Variants in TRPM3 observed in about 807,000 individuals in gnomAD.
TRPM3 encodes the protein transient receptor potential cation channel subfamily M member 3.
Under a neutral mutation model 181.2 loss-of-function variants are expected in TRPM3, and 77 were observed. The observed-to-expected ratio is 0.42, with a 90% CI of 0.35 to 0.51. TRPM3 has a LOEUF of 0.51. TRPM3 is among the 20% of genes least tolerant of loss of function. The pLI, the probability that TRPM3 is intolerant of heterozygous loss-of-function variation, is 0.01. For missense variants in TRPM3, 1,759 were observed against 2,196.7 expected (o/e 0.80, Z 3.98); for synonymous variants, 745 against 796.4 (o/e 0.94, Z 1.09).
intron 1 of TRPM3, among the ~76,000 whole-genome samples, chr9:71,166,856 A>G (rs2076565224): frequency 6.6e-6 from 1 of 152,230 alleles, no homozygotes; most frequent in South Asian, 2.1e-4. Context: ...AAAGTATAAT[A>G]ATGGGATGCA....
intron 1 of TRPM3, among the ~76,000 whole-genome samples, chr9:71,274,485 A>T (rs1160715106): frequency 6.6e-6 from 1 of 152,204 alleles, no homozygotes; most frequent in East Asian, 1.9e-4. Context: ...CAGACAGTTA[A>T]GGGGCCCTAC....
At position 70,621,238 on chromosome 9, in the gene TRPM3, A is replaced by G; in HGVS notation, c.1839+6T>C. 1 of 1,594,456 alleles carries G rather than the reference A, an allele frequency of 6.3e-7. No individual in the cohort carries two copies. The highest frequency in any genetic ancestry group is 8.5e-7 in the Non-Finnish European group (1 of 1,170,324). On this transcript the variant is annotated splice_donor_region_variant and intron_variant, in intron 15 of 25. Transcript: ENST00000677713. Reference sequence around the variant, plus strand: ...ATTGACACTAATAATTTGGACAAACACTTACCTCCATTCCCAGCAGTTTCA... The same window carrying G: ...ATTGACACTAATAATTTGGACAAACGCTTACCTCCATTCCCAGCAGTTTCA...
chr9:71,008,140 C>G (rs1305835308), intron 1 of TRPM3, among the ~76,000 whole-genome samples: 2 of 151,826 alleles, frequency 1.3e-5, no homozygotes, highest in Non-Finnish European at 2.9e-5. Context: ...TTATGAAGAG[C>G]TATACACCAA....
At chr9:71,258,320 G>A (rs1006360207) in intron 1 of TRPM3, among the ~76,000 whole-genome samples, 1 of 152,142 alleles carries the variant, frequency 6.6e-6, no homozygotes, top group African/African-American at 2.4e-5. Flanking sequence ...AGGTAGCCTG[G>A]CTCCAGCATC....
intron 8 of TRPM3, among the ~76,000 whole-genome samples, chr9:70,693,716 G>T (rs1244724388): frequency 6.6e-6 from 1 of 152,168 alleles, no homozygotes; most frequent in African/African-American, 2.4e-5. Flanking sequence ...ACACGTTCCA[G>T]TTGGTAGACC....
At chr9:71,367,920 T>C (rs988443510) in intron 1 of TRPM3, among the ~76,000 whole-genome samples, 4 of 151,164 alleles carry the variant, frequency 2.6e-5, no homozygotes, top group Non-Finnish European at 5.9e-5. Context: ...TTCAACTTGC[T>C]GTCTTAGTAT....
chr9:70,761,426 A>G, intron 8 of TRPM3, 175 bp downstream of exon 8: 1 of 810,116 alleles, frequency 1.2e-6, no homozygotes, highest in Non-Finnish European at 2.1e-6. Context: ...CGAAGGCAGT[A>G]AAAGCAGTGT....
At chr9:71,043,089 T>C (rs1218911931) in intron 1 of TRPM3, among the ~76,000 whole-genome samples, 2 of 152,248 alleles carry the variant, frequency 1.3e-5, no homozygotes, top group Non-Finnish European at 2.9e-5. Context: ...GAAATTTCTG[T>C]ATCTTTGCAA....
chr9:71,037,536 C>T lies in TRPM3; in HGVS notation c.177+83642G>A, dbSNP rs920933256. Among the ~76,000 whole-genome samples the T allele has an allele frequency of 5.9e-5, 9 of 152,360 alleles. No homozygotes were observed. The East Asian group carries it at 9.6e-4, about 16-fold the overall frequency. On this transcript the variant is annotated intron_variant, in intron 1 of 25. Transcript: ENST00000677713. ...TTATACGTGTGTGTGTGCACACATG[C>T]GTGTGCGCATCCTTTGCCCATCCAT...
chr9:70,546,894 C>T (rs926455488), intron 25 of TRPM3, among the ~76,000 whole-genome samples: 17 of 152,112 alleles, frequency 1.1e-4, no homozygotes, highest in African/African-American at 4.1e-4. Context: ...AATCAGGTTC[C>T]TATGAGGTGT....
At chr9:70,854,791 T>C (rs1326125119) in intron 3 of TRPM3, among the ~76,000 whole-genome samples, 1 of 152,198 alleles carries the variant, frequency 6.6e-6, no homozygotes, top group East Asian at 1.9e-4. Flanking sequence ...GATGTGCTAA[T>C]GACAATCAGA....
intron 1 of TRPM3, among the ~76,000 whole-genome samples, chr9:71,265,370 G>T (rs1486420161): frequency 6.6e-6 from 1 of 152,142 alleles, no homozygotes; most frequent in African/African-American, 2.4e-5. Context: ...CATAGTATTT[G>T]CAAGAGGAAA....
intron 17 of TRPM3, among the ~76,000 whole-genome samples, chr9:70,616,589 T>G (rs77959759): frequency 5.0e-5 from 5 of 100,500 alleles, no homozygotes; most frequent in African/African-American, 7.7e-5. Context: ...AAAAAAAAAA[T>G]GCTGTCCTAA....
chr9:70,568,016 A>G (rs1030374291), intron 22 of TRPM3, among the ~76,000 whole-genome samples: 6 of 152,238 alleles, frequency 3.9e-5, no homozygotes, highest in African/African-American at 1.4e-4. Flanking sequence ...ATTGGGGTCA[A>G]GTCCAGCTTG....
At chr9:71,176,067 A>C (rs142954497) in intron 1 of TRPM3, among the ~76,000 whole-genome samples, 2 of 152,310 alleles carry the variant, frequency 1.3e-5, no homozygotes, top group African/African-American at 2.4e-5. Context: ...CATACGGTAC[A>C]TAATACTTGA....
intron 8 of TRPM3, among the ~76,000 whole-genome samples, chr9:70,753,921 A>G (rs1181006273): frequency 1.3e-5 from 2 of 152,008 alleles, no homozygotes; most frequent in African/African-American, 4.8e-5. Context: ...ACCAGTGTGG[A>G]AGCAGAAGGT....
Position 71,004,093 on chromosome 9 carries a change from G to A in TRPM3, c.177+117085C>T, listed in dbSNP as rs140446735. ...GCTGAACCATCTGGGTTGAATTGGGGACAAAATGCAGGGGTGCTGATTGCA... is the reference window on the plus strand; with the variant it reads ...GCTGAACCATCTGGGTTGAATTGGGAACAAAATGCAGGGGTGCTGATTGCA... On this transcript the variant is annotated intron_variant, in intron 1 of 25. Coordinates refer to ENST00000677713, the MANE Select transcript of TRPM3 (RefSeq NM_001366145.2). Among the ~76,000 whole-genome samples, 411 of 152,320 alleles carry A rather than the reference G, an allele frequency of 2.7e-3. 7 individuals are homozygous for A. In the East Asian group the frequency reaches 0.062, roughly 23 times the overall value.
intron 1 of TRPM3, among the ~76,000 whole-genome samples, chr9:71,228,309 G>A (rs1216554525): frequency 6.6e-6 from 1 of 152,084 alleles, no homozygotes; most frequent in Non-Finnish European, 1.5e-5. Flanking sequence ...CCAAAAATGG[G>A]TATAGAAGGA....
intron 1 of TRPM3, among the ~76,000 whole-genome samples, chr9:71,379,719 T>C (rs191964435): frequency 4.6e-5 from 7 of 151,886 alleles, no homozygotes; most frequent in African/African-American, 1.7e-4. Context: ...TTCAAATAAA[T>C]ACTTGGTCAG....
Sources: allele counts gnomAD v4.1 joint callset (sites outside exome capture counted in the v4.1 genomes callset), GRCh38; gene constraint gnomAD v4.1.1; transcripts MANE v1.5; gene names NCBI Gene and HGNC (gene_info 2026-07-23, HGNC 2026-07-21).